Variants in CBLN2 observed in about 807,000 individuals in gnomAD.
CBLN2 encodes the protein cerebellin 2 precursor, also known as cerebellin-2.
CBLN2 carries 7 observed loss-of-function variants against 15.0 expected under a neutral mutation model. The observed-to-expected ratio is 0.47, with a 90% confidence interval of 0.27 to 0.88. The LOEUF (loss-of-function observed/expected upper bound fraction) is 0.88, where lower values mean the gene tolerates loss of function less well. Ranked by LOEUF, CBLN2 falls within the 40% of genes least tolerant of loss-of-function variation. The pLI, the probability that CBLN2 is intolerant of heterozygous loss-of-function variation, is 0.14. For missense variants in CBLN2, 242 were observed against 304.5 expected (o/e 0.79, Z 1.53); for synonymous variants, 149 against 135.2 (o/e 1.10, Z -0.71).
At chr18:72,616,916 T>C (rs2144961640) in intron 1 of CBLN2, among the ~76,000 whole-genome samples, 1 of 152,316 alleles carries the variant, frequency 6.6e-6, no homozygotes. Context: ...ATGGTATGTA[T>C]GCAATATATT....
chr18:72,585,174 G>C (rs1362242484), intron 1 of CBLN2, among the ~76,000 whole-genome samples: 1 of 152,182 alleles, frequency 6.6e-6, no homozygotes, highest in Admixed American at 6.5e-5. Flanking sequence ...CTCCCCAAAG[G>C]GCTGCAGCTC....
Position 72,538,432 on chromosome 18 carries a change from T to C in CBLN2, c.478-59A>G, listed in dbSNP as rs1598986017. 5 of 1,578,124 alleles carry C rather than the reference T, an allele frequency of 3.2e-6. No individual in the cohort carries two copies. The East Asian group carries it at 9.0e-5, about 28-fold the overall frequency. ...AAAGCACCCAACTCCCACACACTGTTCTCTCCTTTGCCAATATCCCCACTC... is the reference window on the plus strand; with the variant it reads ...AAAGCACCCAACTCCCACACACTGTCCTCTCCTTTGCCAATATCCCCACTC... On this transcript the variant is annotated intron_variant, in intron 4 of 4. Coordinates refer to ENST00000269503, the MANE Select transcript of CBLN2 (RefSeq NM_182511.4).
At position 72,541,896 on chromosome 18, in the gene CBLN2, C is replaced by G; in HGVS notation, c.265G>C (p.Gly89Arg). Residue 89 changes from glycine to arginine, a missense_variant, in exon 3 of 5, where the codon GGC (glycine) becomes CGC (arginine). Gly to Arg is a moderately radical substitution (Grantham distance 125). Transcript: ENST00000269503. Reference sequence around the variant, plus strand: ...GCGGAGAAGGCCACCTTGGCGCTGCCGGAGCGCACGGAGATGCCTAGGGAG... The same window carrying G: ...GCGGAGAAGGCCACCTTGGCGCTGCGGGAGCGCACGGAGATGCCTAGGGAG... ...TSSLGISVRS[G>R]SAKVAFSATR... The G allele has an allele frequency of 6.2e-7, 1 of 1,607,124 alleles. No individual in the cohort carries two copies. Among genetic ancestry groups the G allele is most frequent in the Non-Finnish European group, 8.5e-7 (1 of 1,178,714 alleles).
At chr18:72,564,075 T>A (rs191471416) in intron 1 of CBLN2, among the ~76,000 whole-genome samples, 2 of 152,244 alleles carry the variant, frequency 1.3e-5, no homozygotes, top group African/African-American at 4.8e-5. Flanking sequence ...AAATCCATCT[T>A]ATAAAACTAG....
At chr18:72,610,009 A>T (rs971943873) in intron 1 of CBLN2, among the ~76,000 whole-genome samples, 2 of 152,068 alleles carry the variant, frequency 1.3e-5, no homozygotes, top group Non-Finnish European at 2.9e-5. Flanking sequence ...AATGTTCCCT[A>T]ATGTTCCACA....
At chr18:72,609,739 C>T (rs540885248) in intron 1 of CBLN2, among the ~76,000 whole-genome samples, 2 of 152,284 alleles carry the variant, frequency 1.3e-5, no homozygotes, top group South Asian at 2.1e-4. Flanking sequence ...TTGGATGGGA[C>T]GAGTAAGCAT....
chr18:72,608,203 G>A (rs985204003), intron 1 of CBLN2, among the ~76,000 whole-genome samples: 6 of 152,132 alleles, frequency 3.9e-5, no homozygotes, highest in African/African-American at 1.2e-4. Context: ...AAACTCCTTC[G>A]TAAGAATCCA....
At chr18:72,594,603 G>A (rs2069501269) in intron 1 of CBLN2, among the ~76,000 whole-genome samples, 1 of 152,006 alleles carries the variant, frequency 6.6e-6, no homozygotes, top group Admixed American at 6.6e-5. Context: ...GTTTGAGTAG[G>A]ATAGGTACTA....
At chr18:72,587,658 T>A (rs1367296326) in intron 1 of CBLN2, among the ~76,000 whole-genome samples, 1 of 152,182 alleles carries the variant, frequency 6.6e-6, no homozygotes, top group Non-Finnish European at 1.5e-5. Flanking sequence ...CAATGATCAT[T>A]ACATTTGAAT....
chr18:72,543,643 G>A lies in CBLN2; in HGVS notation c.-211-113C>T. On this transcript the variant is annotated intron_variant, in intron 1 of 4. Transcript: ENST00000269503. This position sits in a 1 kb window ranked among gnomAD's most constrained non-coding sequence, Gnocchi z 6.8. ...CCGCCCCGCCCTGCCGCTTTCCCGC[G>A]CCAGCCTGCGCCGCTTCAGGGGTGC... 1 of 379,934 alleles carries A rather than the reference G, an allele frequency of 2.6e-6. No homozygotes were observed. Among genetic ancestry groups the A allele is most frequent in the Non-Finnish European group, 4.7e-6 (1 of 214,328 alleles). The allele number at this position is 379,934 out of a possible 1,614,324, so 23.5% of individuals were successfully genotyped here. A position where few individuals can be genotyped will look rare whatever the true frequency, so the allele number is the denominator to read the frequency against.
At chr18:72,561,684 A>G (rs1289032913) in intron 1 of CBLN2, among the ~76,000 whole-genome samples, 1 of 152,244 alleles carries the variant, frequency 6.6e-6, no homozygotes, top group African/African-American at 2.4e-5. Context: ...ACTTCTCAGC[A>G]CTTTATGACA....
intron 1 of CBLN2, among the ~76,000 whole-genome samples, chr18:72,613,997 C>T (rs2069640662): frequency 6.6e-6 from 1 of 152,212 alleles, no homozygotes; most frequent in Non-Finnish European, 1.5e-5. Context: ...ATAGTTCCCT[C>T]TGTTACTCCC....
intron 1 of CBLN2, among the ~76,000 whole-genome samples, chr18:72,615,643 TA>T (rs1292611024): frequency 2.0e-5 from 3 of 152,184 alleles, no homozygotes; most frequent in African/African-American, 7.2e-5. Context: ...TTGCTTTTAA[TA>T]ATACTGCAAT....
intron 1 of CBLN2, among the ~76,000 whole-genome samples, chr18:72,609,686 T>C (rs7239263): frequency 0.022 from 3,421 of 152,210 alleles, 135 homozygotes; most frequent in African/African-American, 0.079. Flanking sequence ...CAATTTGCCA[T>C]CCCCAGGTGC....
chr18:72,552,169 C>T (rs1020451433), intron 1 of CBLN2, among the ~76,000 whole-genome samples: 22 of 151,856 alleles, frequency 1.4e-4, no homozygotes, highest in African/African-American at 5.1e-4. Context: ...TGACTGCAAC[C>T]TCTGCCTCCT....
At chr18:72,553,810 G>C in intron 1 of CBLN2, among the ~76,000 whole-genome samples, 1 of 152,270 alleles carries the variant, frequency 6.6e-6, no homozygotes, top group East Asian at 1.9e-4. Flanking sequence ...ATTATAGAGT[G>C]ACAAAAATCA....
At chr18:72,601,595 C>T (rs1346132123) in intron 1 of CBLN2, among the ~76,000 whole-genome samples, 3 of 152,208 alleles carry the variant, frequency 2.0e-5, no homozygotes, top group Non-Finnish European at 4.4e-5. Flanking sequence ...TTGGGTCAGA[C>T]TGGAAAATTC....
chr18:72,627,438 G>A (rs1032207438), intron 1 of CBLN2, among the ~76,000 whole-genome samples: 2 of 152,206 alleles, frequency 1.3e-5, no homozygotes, highest in Non-Finnish European at 2.9e-5. Flanking sequence ...AGATGTTGCT[G>A]CGTGGCAGGC....
chr18:72,634,582 T>C (rs1046639185), intron 1 of CBLN2, among the ~76,000 whole-genome samples: 3 of 152,142 alleles, frequency 2.0e-5, no homozygotes, highest in African/African-American at 7.2e-5. Flanking sequence ...AAGTATTCTA[T>C]AATATAACAT....
Sources: gnomAD v4.1 joint callset for allele counts (sites outside exome capture counted in the v4.1 genomes callset) on GRCh38, gnomAD v4.1.1 for gene constraint, Gnocchi (gnomAD v3.1) non-coding constraint, MANE v1.5 for transcripts, NCBI Gene and HGNC (gene_info 2026-07-23, HGNC 2026-07-21) for gene names.